Variants in TMEM132C observed in about 807,000 individuals in gnomAD.
TMEM132C encodes transmembrane protein 132C.
A neutral mutation model predicts 61.4 loss-of-function variants in TMEM132C; 29 were observed. That is an observed-to-expected ratio of 0.47 (90% CI 0.35 to 0.64). The LOEUF (loss-of-function observed/expected upper bound fraction) is 0.64. Among genes scored for constraint, TMEM132C ranks in the 30% least tolerant of loss-of-function variants. TMEM132C has a pLI of 0.00. For missense variants in TMEM132C, 1,408 were observed against 1,476.9 expected (o/e 0.95, Z 0.76); for synonymous variants, 656 against 633.1 (o/e 1.04, Z -0.54).
intron 4 of TMEM132C, among the ~76,000 whole-genome samples, chr12:128,659,700 T>C (rs2135619387): frequency 6.6e-6 from 1 of 152,362 alleles, no homozygotes; most frequent in South Asian, 2.1e-4. Context: ...TAAGCGTCCT[T>C]AAGTGTCCTT....
intron 2 of TMEM132C, among the ~76,000 whole-genome samples, chr12:128,515,683 A>G (rs1263481728): frequency 1.3e-5 from 2 of 152,132 alleles, no homozygotes; most frequent in Non-Finnish European, 2.9e-5. Flanking sequence ...AATACAAAAA[A>G]AATTAGCTGG....
intron 2 of TMEM132C, among the ~76,000 whole-genome samples, chr12:128,541,005 G>GTCTT (rs1565968035): frequency 7.8e-6 from 1 of 128,302 alleles, no homozygotes; most frequent in East Asian, 2.1e-4. Flanking sequence ...CTGTCTGTCT[G>GTCTT]TCTATCTTTC....
intron 2 of TMEM132C, among the ~76,000 whole-genome samples, chr12:128,455,020 A>T (rs1870296602): frequency 1.3e-5 from 2 of 152,156 alleles, no homozygotes; most frequent in African/African-American, 4.8e-5. Flanking sequence ...CTTCCTCCTC[A>T]TGTCCACAAA....
intron 1 of TMEM132C, among the ~76,000 whole-genome samples, chr12:128,285,446 T>G (rs1180634072): frequency 6.6e-6 from 1 of 152,186 alleles, no homozygotes; most frequent in African/African-American, 2.4e-5. Context: ...TTTAAAAGAT[T>G]AAAGAGCTTA....
At chr12:128,372,488 A>G (rs796692714) in intron 1 of TMEM132C, among the ~76,000 whole-genome samples, 14 of 152,336 alleles carry the variant, frequency 9.2e-5, no homozygotes, top group African/African-American at 3.4e-4. Flanking sequence ...TACGTTTTCC[A>G]GTGACAAAGC....
At chr12:128,518,180 G>A (rs919390443) in intron 2 of TMEM132C, among the ~76,000 whole-genome samples, 1 of 152,198 alleles carries the variant, frequency 6.6e-6, no homozygotes, top group Non-Finnish European at 1.5e-5. Flanking sequence ...GATAAAGCTT[G>A]CATTTTCTGG....
At chr12:128,560,111 G>C (rs1874461496) in intron 3 of TMEM132C, among the ~76,000 whole-genome samples, 1 of 152,166 alleles carries the variant, frequency 6.6e-6, no homozygotes, top group Non-Finnish European at 1.5e-5. Flanking sequence ...GCCAGGCATG[G>C]TGGCACATGC....
At chr12:128,573,666 C>T (rs1379355114) in intron 3 of TMEM132C, among the ~76,000 whole-genome samples, 1 of 150,290 alleles carries the variant, frequency 6.7e-6, no homozygotes, top group African/African-American at 2.4e-5. Flanking sequence ...ATTCATGGGA[C>T]AGAAAGTAGA....
intron 1 of TMEM132C, among the ~76,000 whole-genome samples, chr12:128,386,307 AC>A (rs1362511349): frequency 6.6e-6 from 1 of 152,050 alleles, no homozygotes; most frequent in Non-Finnish European, 1.5e-5. Flanking sequence ...CCAACATTTA[AC>A]CCTCTATTTT....
At chr12:128,425,415 A>G (rs1222289224) in intron 2 of TMEM132C, among the ~76,000 whole-genome samples, 1 of 152,272 alleles carries the variant, frequency 6.6e-6, no homozygotes, top group African/African-American at 2.4e-5. Context: ...AACCAGAGTT[A>G]CTGGCTCTAA....
intron 1 of TMEM132C, among the ~76,000 whole-genome samples, chr12:128,305,050 C>T (rs1021754206): frequency 9.2e-5 from 14 of 152,132 alleles, no homozygotes; most frequent in Non-Finnish European, 1.5e-4. Context: ...TGGGGCTACT[C>T]TCATCCCTTC....
At chr12:128,564,614 C>T (rs967467278) in intron 3 of TMEM132C, among the ~76,000 whole-genome samples, 7 of 152,142 alleles carry the variant, frequency 4.6e-5, no homozygotes, top group Non-Finnish European at 7.3e-5. Context: ...AGTGCAGTGA[C>T]GGGGTTGAGA....
intron 3 of TMEM132C, among the ~76,000 whole-genome samples, chr12:128,555,315 T>C (rs1214304066): frequency 1.3e-5 from 2 of 152,212 alleles, no homozygotes; most frequent in East Asian, 3.8e-4. Flanking sequence ...TTAAACAGTT[T>C]TCAACAGTGC....
At chr12:128,536,680 G>A (rs1173354548) in intron 2 of TMEM132C, among the ~76,000 whole-genome samples, 1 of 152,156 alleles carries the variant, frequency 6.6e-6, no homozygotes, top group Non-Finnish European at 1.5e-5. Flanking sequence ...ACATTCATCA[G>A]CTATGTCTAG....
chr12:128,631,277 A>G (rs973834272), intron 4 of TMEM132C, among the ~76,000 whole-genome samples: 2 of 152,226 alleles, frequency 1.3e-5, no homozygotes, highest in Non-Finnish European at 2.9e-5. Context: ...ATTTTTATCT[A>G]ATTTTAATTA....
chr12:128,612,838 C>T (rs1447905028), intron 3 of TMEM132C, among the ~76,000 whole-genome samples: 1 of 152,224 alleles, frequency 6.6e-6, no homozygotes, highest in Non-Finnish European at 1.5e-5. Context: ...TTGTCCATGA[C>T]TATGCCTTTC....
intron 3 of TMEM132C, among the ~76,000 whole-genome samples, chr12:128,587,458 C>G (rs1235504865): frequency 1.3e-5 from 2 of 152,212 alleles, no homozygotes; most frequent in Non-Finnish European, 2.9e-5. Flanking sequence ...CTAATCACCT[C>G]GCTAAAACCT....
chr12:128,701,908 T>G (rs1337755501), intron 8 of TMEM132C, among the ~76,000 whole-genome samples: 1 of 151,052 alleles, frequency 6.6e-6, no homozygotes. Flanking sequence ...TCTTTTTTTT[T>G]TTTTTTTTTG....
chr12:128,665,560 C>T (rs1165210861), intron 4 of TMEM132C, among the ~76,000 whole-genome samples: 2 of 151,120 alleles, frequency 1.3e-5, no homozygotes, highest in African/African-American at 4.9e-5. Context: ...TACAGGCGCA[C>T]ACACACACAC....
Sources: allele counts gnomAD v4.1 joint callset (sites outside exome capture counted in the v4.1 genomes callset), GRCh38; gene constraint gnomAD v4.1.1; transcripts MANE v1.5; gene names NCBI Gene and HGNC (gene_info 2026-07-23, HGNC 2026-07-21).